The following POTEE variants were observed in gnomAD, a reference collection of about 807,000 sequenced individuals.
The protein encoded by POTEE is ANKRD26-like family C member 1A.
Under a neutral mutation model 74.2 loss-of-function variants are expected in POTEE, and 21 were observed. The observed-to-expected ratio is 0.28, with a 90% confidence interval of 0.20 to 0.41. POTEE has a LOEUF of 0.41. Among genes scored for constraint, POTEE ranks in the 10% least tolerant of loss-of-function variants. The pLI, the probability that POTEE is intolerant of heterozygous loss-of-function variation, is 1.00. For synonymous variants in POTEE, 211 were observed against 432.8 expected (o/e 0.49, Z 6.36); for missense variants, 525 against 1,158.6 (o/e 0.45, Z 7.94).
chr2:131,219,222 T>G (rs1452821709), intron 4 of POTEE, among the ~76,000 whole-genome samples: 3 of 151,340 alleles, frequency 2.0e-5, no homozygotes, highest in African/African-American at 4.9e-5. Context: ...TCTACAGATT[T>G]TAAAACAATG....
chr2:131,217,014 C>T (rs1427332244), intron 2 of POTEE, among the ~76,000 whole-genome samples: 3 of 152,198 alleles, frequency 2.0e-5, no homozygotes, highest in Admixed American at 6.5e-5. Flanking sequence ...GATTGTTTAA[C>T]TAGTTAATAC....
At chr2:131,214,442 A>G (rs142129128) in intron 2 of POTEE, among the ~76,000 whole-genome samples, 5,617 of 152,004 alleles carry the variant, frequency 0.037, 30 homozygotes, top group African/African-American at 0.13. Context: ...AGGACAGGTC[A>G]GATAAATTTA....
chr2:131,209,923 G>A (rs1483621603), intron 1 of POTEE, among the ~76,000 whole-genome samples, 104 bp downstream of exon 1: 35 of 150,286 alleles, frequency 2.3e-4, no homozygotes, highest in Admixed American at 4.6e-4. Context: ...GGGGCTGGTT[G>A]GGGGCACTCT....
chr2:131,235,939 G>T (rs1022798542), intron 9 of POTEE, among the ~76,000 whole-genome samples: 1 of 152,004 alleles, frequency 6.6e-6, no homozygotes, highest in Non-Finnish European at 1.5e-5. Flanking sequence ...TACTATTGTT[G>T]CAGAAAACAG....
At chr2:131,243,785 A>G (rs1701301542) in intron 12 of POTEE, among the ~76,000 whole-genome samples, 1 of 137,318 alleles carries the variant, frequency 7.3e-6, no homozygotes, top group East Asian at 2.2e-4. Context: ...GGAGAATGGC[A>G]TGAACCCGGG....
intron 2 of POTEE, among the ~76,000 whole-genome samples, 156 bp from the exon 3 acceptor site, chr2:131,217,433 T>C (rs1184770976): frequency 3.1e-4 from 35 of 113,228 alleles, no homozygotes; most frequent in African/African-American, 1.1e-3. Flanking sequence ...TGCAGCCAGC[T>C]CCGTCAGCCC....
At chr2:131,222,454 T>C (rs79884622) in intron 4 of POTEE, among the ~76,000 whole-genome samples, 2,081 of 113,910 alleles carry the variant, frequency 0.018, 10 homozygotes, top group African/African-American at 0.038. Flanking sequence ...ATAGAATGAA[T>C]GGGTACTGGG....
Position 131,218,660 on chromosome 2 carries a change from C to T in POTEE, c.258C>T (p.His86=), listed in dbSNP as rs757065263. The T allele has an allele frequency of 1.0e-4, 163 of 1,601,158 alleles. No homozygotes were observed. The highest frequency in any genetic ancestry group is 1.3e-4 in the Non-Finnish European group (153 of 1,174,958). Residue 86 remains histidine, a synonymous_variant, in exon 4 of 18, where the codon CAC becomes CAT. Transcript: ENST00000683005. The part of the protein sequence containing the change: ...GKSNVGASGD[H]DDSAMKTLRN... ...GCAACGTGGGCGCTTCTGGAGACCACGACGACTCTGCTATGAAGACACTCA... is the reference window on the plus strand; with the variant it reads ...GCAACGTGGGCGCTTCTGGAGACCATGACGACTCTGCTATGAAGACACTCA...
Position 131,263,772 on chromosome 2 carries a change from C to A in POTEE, c.2317C>A (p.His773Asn). 1 of 1,613,122 alleles carries A rather than the reference C, an allele frequency of 6.2e-7. No individual in the cohort carries two copies. Among genetic ancestry groups the A allele is most frequent in the South Asian group, 1.1e-5 (1 of 91,012 alleles). The change falls in exon 18 of 18, where the codon CAC becomes AAC. Residue 773 changes from histidine (H) to asparagine (N), a missense_variant. Coordinates refer to ENST00000683005, the MANE Select transcript of POTEE (RefSeq NM_001083538.3). Reference sequence around the variant, plus strand: ...CCTGACCCTGAAGTACCCCATGGAACACGGCATCATCACCAACTGGGATGA... The same window carrying A: ...CCTGACCCTGAAGTACCCCATGGAAAACGGCATCATCACCAACTGGGATGA... ...GILTLKYPME[H>N]GIITNWDDME...
chr2:131,219,314 CAAATA>C (rs1700542928), intron 4 of POTEE, among the ~76,000 whole-genome samples: 1 of 151,518 alleles, frequency 6.6e-6, no homozygotes, highest in Non-Finnish European at 1.5e-5. Context: ...AAATATTCTT[CAAATA>C]AAATCCAGTA....
chr2:131,218,261 T>G, intron 3 of POTEE, 49 bp from the exon 4 acceptor site: 1 of 1,504,258 alleles, frequency 6.6e-7, no homozygotes, highest in Non-Finnish European at 9.0e-7. Context: ...TGGAATCCCC[T>G]GCTGGGGTTG....
chr2:131,233,328 G>A lies in POTEE; in HGVS notation c.1126+2422G>A, dbSNP rs537922867. ...AGTGTGAAAGCCACCATGATTATAT[G>A]TAAGCAAACAGGCATGACTGAGCTC... is the stretch of plus-strand genomic sequence containing the variant. On this transcript the variant is annotated intron_variant, in intron 9 of 17. Transcript: ENST00000683005. 8.6e-5 allele frequency among the ~76,000 whole-genome samples: 13 copies of A among 151,884 alleles called. No individual in the cohort carries two copies. The East Asian group carries it at 1.9e-3, about 23-fold the overall frequency.
chr2:131,219,462 T>C (rs1024060757), intron 4 of POTEE, among the ~76,000 whole-genome samples: 6 of 152,112 alleles, frequency 3.9e-5, no homozygotes, highest in African/African-American at 1.4e-4. Context: ...GCTTTTTGGC[T>C]GGGCGCGGTG....
intron 2 of POTEE, among the ~76,000 whole-genome samples, chr2:131,216,048 CTG>C (rs1012382861): frequency 4.6e-5 from 7 of 152,052 alleles, no homozygotes; most frequent in African/African-American, 1.2e-4. Context: ...CAATGACAAA[CTG>C]TTATCTGAAA....
chr2:131,210,963 G>C (rs1339562100), intron 1 of POTEE, among the ~76,000 whole-genome samples, 65 bp from the exon 2 acceptor site: 1 of 151,362 alleles, frequency 6.6e-6, no homozygotes, highest in Non-Finnish European at 1.5e-5. Context: ...GCTGGTCCCT[G>C]CCACCCAGTG....
At chr2:131,218,202 G>C in intron 3 of POTEE, 108 bp from the exon 4 acceptor site, 1 of 953,420 alleles carries the variant, frequency 1.0e-6, no homozygotes, top group Non-Finnish European at 1.5e-6. Context: ...GGGGGGCGTG[G>C]GCTTTCCTCG....
intron 2 of POTEE, among the ~76,000 whole-genome samples, chr2:131,215,420 TGA>T (rs1158933215): frequency 3.3e-5 from 5 of 152,224 alleles, no homozygotes; most frequent in South Asian, 4.1e-4. Flanking sequence ...GTGTGACTCA[TGA>T]GAGAGGGAGT....
At position 131,264,062 on chromosome 2, in the gene POTEE, T is replaced by C. The variant is rs761342380; in HGVS notation, c.2607T>C (p.Asn869=). ...ACACTGTGCCCATCTATGAGGGGAA[T>C]GCCCTCCCCCATGCCACCCTGCGCC... ...VTHTVPIYEG[N]ALPHATLRLD... The change falls in exon 18 of 18, where the codon AAT becomes AAC. Residue 869 remains asparagine, a synonymous_variant. Coordinates refer to ENST00000683005, the MANE Select transcript of POTEE (RefSeq NM_001083538.3). 1.9e-6 allele frequency: 3 copies of C among 1,614,190 alleles called. No individual in the cohort carries two copies. The highest frequency in any genetic ancestry group is 1.7e-5 in the Admixed American group (1 of 60,018).
At chr2:131,225,487 A>G (rs1573706682) in intron 6 of POTEE, among the ~76,000 whole-genome samples, 2 of 148,042 alleles carry the variant, frequency 1.4e-5, no homozygotes, top group South Asian at 2.2e-4. Context: ...CTTATGTCTC[A>G]GAAACTTAAG....
Sources: allele counts gnomAD v4.1 joint callset (sites outside exome capture counted in the v4.1 genomes callset), GRCh38; gene constraint gnomAD v4.1.1; transcripts MANE v1.5; gene names NCBI Gene and HGNC (gene_info 2026-07-23, HGNC 2026-07-21).